Variants in ZNF407 observed in about 807,000 individuals in gnomAD.
The protein encoded by ZNF407 is zinc finger protein 407.
ZNF407 carries 17 observed loss-of-function variants against 131.2 expected under a neutral mutation model. The observed-to-expected ratio is 0.13, with a 90% CI of 0.09 to 0.19. The LOEUF (loss-of-function observed/expected upper bound fraction) is 0.19. Among genes scored for constraint, ZNF407 ranks in the 10% least tolerant of loss-of-function variants. The pLI, the probability that ZNF407 is intolerant of heterozygous loss-of-function variation, is 1.00. For missense variants in ZNF407, 2,681 were observed against 2,830.6 expected, an observed-to-expected ratio of 0.95 and a Z score of 1.20; for synonymous variants, 1,156 against 1,062.0, an observed-to-expected ratio of 1.09 and a Z score of -1.72.
At chr18:75,011,214 A>G (rs749534962) in intron 8 of ZNF407, among the ~76,000 whole-genome samples, 1 of 152,236 alleles carries the variant, frequency 6.6e-6, no homozygotes, top group Non-Finnish European at 1.5e-5. Flanking sequence ...CGAATAAAGA[A>G]AAACCTGAAG....
intron 4 of ZNF407, among the ~76,000 whole-genome samples, chr18:74,820,969 G>T (rs1032594840): frequency 1.3e-5 from 2 of 152,066 alleles, no homozygotes; most frequent in African/African-American, 4.8e-5. Flanking sequence ...AGCACCAGTC[G>T]TAGGCAGAAG....
chr18:75,003,318 A>G (rs896012388), intron 8 of ZNF407, among the ~76,000 whole-genome samples: 1 of 152,202 alleles, frequency 6.6e-6, no homozygotes, highest in Non-Finnish European at 1.5e-5. Flanking sequence ...CATACACAGC[A>G]TTTGCTAAAT....
At chr18:74,894,759 C>T (rs560275744) in intron 7 of ZNF407, among the ~76,000 whole-genome samples, 4 of 152,210 alleles carry the variant, frequency 2.6e-5, no homozygotes, top group Non-Finnish European at 5.9e-5. Flanking sequence ...CCCTACATTG[C>T]ACTTTAAATG....
chr18:74,686,061 A>G (rs1030927547), intron 3 of ZNF407, among the ~76,000 whole-genome samples: 7 of 152,230 alleles, frequency 4.6e-5, no homozygotes, highest in African/African-American at 1.7e-4. Context: ...AATGCGTTAC[A>G]TATAGGTATG....
intron 8 of ZNF407, among the ~76,000 whole-genome samples, chr18:74,988,533 C>A (rs1972680361): frequency 6.6e-6 from 1 of 151,084 alleles, no homozygotes; most frequent in African/African-American, 2.4e-5. Flanking sequence ...TGGCCTAGTT[C>A]TTGATTCTAG....
intron 4 of ZNF407, among the ~76,000 whole-genome samples, chr18:74,854,247 A>G (rs1970828635): frequency 6.6e-6 from 1 of 152,140 alleles, no homozygotes; most frequent in Non-Finnish European, 1.5e-5. Flanking sequence ...GGAAGTCCTA[A>G]ATTTTGTTTC....
chr18:74,802,651 C>T (rs754074462), intron 4 of ZNF407, among the ~76,000 whole-genome samples: 9 of 152,000 alleles, frequency 5.9e-5, no homozygotes, highest in Non-Finnish European at 8.8e-5. Context: ...AATTGTTTGA[C>T]GGAAAATTTT....
chr18:75,061,223 CAAG>C (rs1568315328), intron 8 of ZNF407: 4 of 152,174 alleles, frequency 2.6e-5, no homozygotes, highest in African/African-American at 9.7e-5. Flanking sequence ...CTGACCCCCT[CAAG>C]GAGATTAAAG....
At chr18:74,766,775 T>G (rs1417394544) in intron 3 of ZNF407, among the ~76,000 whole-genome samples, 1 of 152,248 alleles carries the variant, frequency 6.6e-6, no homozygotes, top group African/African-American at 2.4e-5. Context: ...TTCTTCAATT[T>G]ACATTTTCTC....
chr18:74,946,856 G>A (rs962544802), intron 8 of ZNF407, among the ~76,000 whole-genome samples: 1 of 152,192 alleles, frequency 6.6e-6, no homozygotes, highest in Non-Finnish European at 1.5e-5. Context: ...GCTGCTTTGA[G>A]GATGTGACTG....
chr18:75,005,094 T>C lies in ZNF407; in HGVS notation c.5429-58056T>C, dbSNP rs532368035. On this transcript the variant is annotated intron_variant, in intron 8 of 8. Coordinates refer to ENST00000299687, the MANE Select transcript of ZNF407 (RefSeq NM_017757.3). Reference sequence around the variant, plus strand: ...TTTGTATGCATGGGAAAGTCCTTGATTCAGCCTCCCATAAAAATAAACTTC... The same window carrying C: ...TTTGTATGCATGGGAAAGTCCTTGACTCAGCCTCCCATAAAAATAAACTTC... 8.1e-4 allele frequency among the ~76,000 whole-genome samples: 123 copies of C among 152,340 alleles called. 1 individual carries two copies. Among genetic ancestry groups the C allele is most frequent in the African/African-American group, 2.7e-3 (111 of 41,590 alleles).
At chr18:74,801,194 T>C (rs1258316082) in intron 4 of ZNF407, among the ~76,000 whole-genome samples, 1 of 152,196 alleles carries the variant, frequency 6.6e-6, no homozygotes, top group Admixed American at 6.5e-5. Context: ...TTTTAAATTG[T>C]TTTTCTCTTG....
chr18:74,982,562 T>G (rs1352118603), intron 8 of ZNF407, among the ~76,000 whole-genome samples: 1 of 152,234 alleles, frequency 6.6e-6, no homozygotes, highest in Admixed American at 6.5e-5. Context: ...CTGAGTTCCC[T>G]TGCTACTCAT....
At chr18:75,002,207 A>G (rs1385405796) in intron 8 of ZNF407, among the ~76,000 whole-genome samples, 3 of 152,234 alleles carry the variant, frequency 2.0e-5, no homozygotes, top group Non-Finnish European at 4.4e-5. Context: ...TATTTTGTAT[A>G]GTTTGACTGT....
chr18:74,711,377 C>A (rs1967757992), intron 3 of ZNF407, among the ~76,000 whole-genome samples: 1 of 151,990 alleles, frequency 6.6e-6, no homozygotes, highest in Non-Finnish European at 1.5e-5. Context: ...TGGAGGGGCC[C>A]AATGTGATCA....
chr18:74,985,662 G>A (rs182397103), intron 8 of ZNF407, among the ~76,000 whole-genome samples: 158 of 152,272 alleles, frequency 1.0e-3, no homozygotes, highest in Middle Eastern at 3.4e-3. Flanking sequence ...GAGCAGAAGG[G>A]ACCTTCTGGC....
chr18:74,644,411 T>G (rs986037737), intron 3 of ZNF407, among the ~76,000 whole-genome samples: 7 of 151,900 alleles, frequency 4.6e-5, no homozygotes, highest in African/African-American at 1.7e-4. Flanking sequence ...TAATTTTGTG[T>G]TTAGAAAATA....
rs371127226 is a variant in ZNF407, at chr18:74,631,464, A to C, written c.445A>C (p.Thr149Pro). 2.5e-6 allele frequency: 4 copies of C among 1,614,038 alleles called. No individual in the cohort carries two copies. Among genetic ancestry groups the C allele is most frequent in the Non-Finnish European group, 3.4e-6 (4 of 1,179,898 alleles). Residue 149 changes from threonine (T) to proline (P), a missense_variant, in exon 2 of 9, where the codon ACT becomes CCT. Coordinates refer to ENST00000299687, the MANE Select transcript of ZNF407 (RefSeq NM_017757.3). ...TGATGTTGTTTCTCTGAAAACAGAC[A>C]CTGAAAAAACATCTGCTCAGGAAAT... The part of the protein sequence containing the change: ...TIDVVSLKTD[T>P]EKTSAQEMVS...
intron 8 of ZNF407, among the ~76,000 whole-genome samples, chr18:74,922,775 C>G (rs899261578): frequency 2.0e-5 from 3 of 152,136 alleles, no homozygotes; most frequent in East Asian, 1.9e-4. Flanking sequence ...GATTCCTTAT[C>G]GAAGAGTCTA....
Sources: allele counts gnomAD v4.1 joint callset (sites outside exome capture counted in the v4.1 genomes callset), GRCh38; gene constraint gnomAD v4.1.1; transcripts MANE v1.5; gene names NCBI Gene and HGNC (gene_info 2026-07-23, HGNC 2026-07-21).